CASP14: variants seen among roughly 807,000 people sequenced by gnomAD.
CASP14 encodes the protein caspase-14.
A neutral mutation model predicts 28.4 loss-of-function variants in CASP14; 27 were observed. The ratio of observed to expected loss-of-function variants is 0.95; its 90% CI spans 0.70 to 1.31. The LOEUF is 1.31. Ranked by LOEUF, CASP14 falls within the 50% of genes most tolerant of loss-of-function variation. CASP14 has a pLI of 0.00. For synonymous variants in CASP14, 115 were observed against 118.6 expected, an observed-to-expected ratio of 0.97 and a Z score of 0.20; for missense variants, 323 against 312.8, an observed-to-expected ratio of 1.03 and a Z score of -0.25.
chr19:15,050,830 G>T (rs1017131645), intron 1 of CASP14, among the ~76,000 whole-genome samples: 1 of 151,392 alleles, frequency 6.6e-6, no homozygotes, highest in Non-Finnish European at 1.5e-5. Context: ...GTGTGAGTGG[G>T]TGGATGGATG....
intron 2 of CASP14, 151 bp from the exon 3 acceptor site, chr19:15,053,331 C>A (rs774171205): frequency 3.3e-6 from 3 of 905,300 alleles, no homozygotes; most frequent in Non-Finnish European, 5.2e-6. Context: ...TGGTCTCGAA[C>A]TCTTGGGCTC....
chr19:15,056,276 C>A lies in CASP14; in HGVS notation c.*187C>A. ...AGAGCAAGCCAGCCAAAACTTAGCA[C>A]AAGGCATGGTGGCAACATTAACATC... On this transcript the variant is annotated 3_prime_UTR_variant, in exon 7 of 7. Transcript: ENST00000427043. 1.9e-6 allele frequency: 1 copy of A among 518,196 alleles called. No homozygotes were observed. The highest frequency in any genetic ancestry group is 3.6e-6 in the Non-Finnish European group (1 of 278,020). The allele number at this position is 518,196 out of a possible 1,614,324, so 32.1% of individuals were successfully genotyped here.
At chr19:15,050,685 GATGA>G (rs1050932798) in intron 1 of CASP14, among the ~76,000 whole-genome samples, 7 of 152,206 alleles carry the variant, frequency 4.6e-5, no homozygotes, top group East Asian at 1.9e-4. Flanking sequence ...TGGATGGATG[GATGA>G]ATGAATGAGT....
chr19:15,056,137 C>G lies in CASP14; in HGVS notation c.*48C>G. On this transcript the variant is annotated 3_prime_UTR_variant, in exon 7 of 7. Transcript: ENST00000427043. ...TTTCCTTCCAGCATTCTTTCTGTCT[C>G]ACAGAAATTTAGAGGCAGCTCTTAC... 4 of 1,443,398 alleles carry G rather than the reference C, an allele frequency of 2.8e-6. No individual in the cohort carries two copies. The highest frequency in any genetic ancestry group is 3.8e-6 in the Non-Finnish European group (4 of 1,049,394). 89.4% of individuals were successfully genotyped at this position (1,443,398 alleles called of 1,614,324 possible).
At chr19:15,051,966 T>A (rs1163152531) in intron 1 of CASP14, among the ~76,000 whole-genome samples, 1 of 151,940 alleles carries the variant, frequency 6.6e-6, no homozygotes, top group Admixed American at 6.6e-5. Context: ...CATTGTGGGG[T>A]AGGCTCAGCA....
intron 3 of CASP14, 39 bp downstream of exon 3, chr19:15,053,670 G>A: frequency 6.2e-7 from 1 of 1,614,022 alleles, no homozygotes; most frequent in Non-Finnish European, 8.5e-7. Flanking sequence ...TGGGGGAAAG[G>A]TACTAGGTTG....
Position 15,056,806 on chromosome 19 carries a change from G to C in CASP14, c.*717G>C, listed in dbSNP as rs1051436420. 6 of 152,124 alleles carry C rather than the reference G, an allele frequency of 3.9e-5. No individual in the cohort carries two copies. Among genetic ancestry groups the C allele is most frequent in the Non-Finnish European group, 8.8e-5 (6 of 68,040 alleles). 9.4% of individuals were successfully genotyped at this position (152,124 alleles called of 1,614,324 possible). Reference sequence around the variant, plus strand: ...TCTTGCATTCAATTACTCTAAATGAGAGCGTGTTGGAGCTATGGCAAATTC... The same window carrying C: ...TCTTGCATTCAATTACTCTAAATGACAGCGTGTTGGAGCTATGGCAAATTC... On this transcript the variant is annotated 3_prime_UTR_variant, in exon 7 of 7. Transcript: ENST00000427043.
At position 15,056,478 on chromosome 19, in the gene CASP14, T is replaced by G. The variant is rs73926368; in HGVS notation, c.*389T>G. 216 of 187,252 alleles carry G rather than the reference T, an allele frequency of 1.2e-3. No individual in the cohort carries two copies. The highest frequency in any genetic ancestry group is 5.0e-3 in the African/African-American group (214 of 43,070). 11.6% of individuals were successfully genotyped at this position (187,252 alleles called of 1,614,324 possible). A position where few individuals can be genotyped will look rare whatever the true frequency, so the allele number is the denominator to read the frequency against. On this transcript the variant is annotated 3_prime_UTR_variant, in exon 7 of 7. Transcript: ENST00000427043. ...GCCCACTCATCCCCTCCTACCCCAA[T>G]CCAACCTCTGCTGGCTCCTGCATCT...
Position 15,056,136 on chromosome 19 carries a change from T to A in CASP14, c.*47T>A. The A allele has an allele frequency of 2.8e-6, 4 of 1,444,252 alleles. No homozygotes were observed. The highest frequency in any genetic ancestry group is 3.8e-6 in the Non-Finnish European group (4 of 1,050,020). The allele number at this position is 1,444,252 out of a possible 1,614,324, so 89.5% of individuals were successfully genotyped here. A position where few individuals can be genotyped will look rare whatever the true frequency, so the allele number is the denominator to read the frequency against. ...CTTTCCTTCCAGCATTCTTTCTGTC[T>A]CACAGAAATTTAGAGGCAGCTCTTA... On this transcript the variant is annotated 3_prime_UTR_variant, in exon 7 of 7. Coordinates refer to ENST00000427043, the MANE Select transcript of CASP14 (RefSeq NM_012114.3).
chr19:15,056,174 A>T lies in CASP14; in HGVS notation c.*85A>T, dbSNP rs1018201640. 2.7e-6 allele frequency: 3 copies of T among 1,120,402 alleles called. No homozygotes were observed. In the African/African-American group the frequency reaches 4.7e-5, roughly 17 times the overall value. The allele number at this position is 1,120,402 out of a possible 1,614,324, so 69.4% of individuals were successfully genotyped here. A position where few individuals can be genotyped will look rare whatever the true frequency, so the allele number is the denominator to read the frequency against. ...GAGGCAGCTCTTACCTCTCCCCAAG[A>T]TCTTCTGTTCCCAAGGCCAAATGGC... On this transcript the variant is annotated 3_prime_UTR_variant, in exon 7 of 7. Transcript: ENST00000427043.
At chr19:15,052,872 C>A (rs1261930333) in intron 2 of CASP14, among the ~76,000 whole-genome samples, 1 of 152,140 alleles carries the variant, frequency 6.6e-6, no homozygotes, top group African/African-American at 2.4e-5. Context: ...AAGTTCATAC[C>A]AAGCTAGAAA....
intron 1 of CASP14, 52 bp downstream of exon 1, chr19:15,049,697 T>TCTCTCACA (rs1491472877): frequency 5.7e-5 from 6 of 104,584 alleles, no homozygotes; most frequent in African/African-American, 1.9e-4. Flanking sequence ...TCTCTCTCTC[T>TCTCTCACA]CACACACACA....
In CASP14 at chr19:15,052,284, C is replaced by T; in HGVS notation, c.27+6C>T. ...ATCCGCGGTCTTTGGAAGAGGTAGG[C>T]TGGGTGCAGGTTGAGGGGAGGGTGA... On this transcript the variant is annotated splice_donor_region_variant and intron_variant, in intron 2 of 6. Coordinates refer to ENST00000427043, the MANE Select transcript of CASP14 (RefSeq NM_012114.3). 1 of 1,584,730 alleles carries T rather than the reference C, an allele frequency of 6.3e-7. No individual in the cohort carries two copies. Among genetic ancestry groups the T allele is most frequent in the Non-Finnish European group, 8.6e-7 (1 of 1,167,506 alleles).
At position 15,052,207 on chromosome 19, in the gene CASP14, A is replaced by G. The variant is rs140414099; in HGVS notation, c.-45A>G. ...AACCTATCTTCTCTTGACTCCAAGG[A>G]TCAGACAAGGGTGCTGAGAGCCGGG... On this transcript the variant is annotated splice_region_variant and 5_prime_UTR_variant, in exon 2 of 7. Coordinates refer to ENST00000427043, the MANE Select transcript of CASP14 (RefSeq NM_012114.3). 2,586 of 1,573,970 alleles carry G rather than the reference A, an allele frequency of 1.6e-3. 49 individuals carry two copies. The East Asian group carries it at 0.029, about 17-fold the overall frequency.
In CASP14 at chr19:15,055,282, C is replaced by T; in HGVS notation, c.520+8C>T. ...TTTATTCCACGGTAGAGGGTATGAGCTCCCAGCTGGCCCAGGGATCCCTCT... is the reference window on the plus strand; with the variant it reads ...TTTATTCCACGGTAGAGGGTATGAGTTCCCAGCTGGCCCAGGGATCCCTCT... On this transcript the variant is annotated splice_region_variant and intron_variant, in intron 5 of 6. Coordinates refer to ENST00000427043, the MANE Select transcript of CASP14 (RefSeq NM_012114.3). 1.2e-6 allele frequency: 2 copies of T among 1,608,856 alleles called. No individual in the cohort carries two copies. Among genetic ancestry groups the T allele is most frequent in the Non-Finnish European group, 1.7e-6 (2 of 1,175,272 alleles).
intron 6 of CASP14, 54 bp downstream of exon 6, chr19:15,055,587 C>T (rs1383613704): frequency 8.4e-6 from 11 of 1,308,598 alleles, no homozygotes; most frequent in South Asian, 8.3e-5. Flanking sequence ...AGGGTGCAGG[C>T]GGAGGGGGCT....
At position 15,055,305 on chromosome 19, in the gene CASP14, T is replaced by G. The variant is rs201187539; in HGVS notation, c.520+31T>G. 1.3e-5 allele frequency: 20 copies of G among 1,589,092 alleles called. No individual in the cohort carries two copies. The Admixed American group carries it at 3.3e-4, about 27-fold the overall frequency. ...AGCTCCCAGCTGGCCCAGGGATCCC[T>G]CTGCTCTTCCCCCTCTCCTGCCACT... On this transcript the variant is annotated intron_variant, in intron 5 of 6. Coordinates refer to ENST00000427043, the MANE Select transcript of CASP14 (RefSeq NM_012114.3).
intron 1 of CASP14, among the ~76,000 whole-genome samples, chr19:15,050,615 T>C (rs909512945): frequency 2.6e-5 from 4 of 151,062 alleles, no homozygotes; most frequent in East Asian, 3.9e-4. Flanking sequence ...GATGGAGGGA[T>C]AGTTGGAAGA....
intron 6 of CASP14, 87 bp downstream of exon 6, chr19:15,055,620 C>T: frequency 2.4e-6 from 2 of 841,938 alleles, no homozygotes; most frequent in Non-Finnish European, 2.0e-6. Flanking sequence ...AACCCCTCTC[C>T]ATTTCCCTCA....
Sources: allele counts gnomAD v4.1 joint callset (sites outside exome capture counted in the v4.1 genomes callset), GRCh38; gene constraint gnomAD v4.1.1; transcripts MANE v1.5; gene names NCBI Gene and HGNC (gene_info 2026-07-23, HGNC 2026-07-21).